Variants in HTT observed in about 807,000 individuals in gnomAD.
HTT encodes the protein huntingtin, also known as huntington disease protein.
In HTT, 104 loss-of-function variants were observed where a neutral mutation model predicts 362.3. The ratio of observed to expected loss-of-function variants is 0.29; its 90% CI spans 0.24 to 0.34. HTT has a LOEUF of 0.34. HTT is among the 10% of genes least tolerant of loss of function. The pLI is 1.00. For synonymous variants in HTT, 1,577 were observed against 1,548.7 expected, an observed-to-expected ratio of 1.02 and a Z score of -0.43; for missense variants, 3,301 against 3,928.6, an observed-to-expected ratio of 0.84 and a Z score of 4.27.
In HTT at chr4:3,160,303, A is replaced by G; in HGVS notation, c.3775A>G (p.Ser1259Gly). 1.3e-6 allele frequency: 2 copies of G among 1,552,188 alleles called. No individual in the cohort carries two copies. Among genetic ancestry groups the G allele is most frequent in the South Asian group, 2.4e-5 (2 of 84,096 alleles). Reference protein sequence around the residue: ...NYKVTLDLQNSTEKFGGFLRS... With the variant: ...NYKVTLDLQNGTEKFGGFLRS... ...CAAGGTCACGCTGGATCTTCAGAAC[A>G]GCACGGAAAAGTTTGGAGGGTTTCT... The change falls in exon 29 of 67, where the codon AGC becomes GGC. Residue 1259 changes from serine (S) to glycine (G), a missense_variant. Ser to Gly is a moderately conservative substitution (Grantham distance 56). Transcript: ENST00000355072.
chr4:3,092,255 C>T (rs1013001268), intron 2 of HTT, among the ~76,000 whole-genome samples: 5 of 152,308 alleles, frequency 3.3e-5, no homozygotes, highest in South Asian at 2.1e-4. Context: ...AACTCCTGAC[C>T]TCATGATCCG....
chr4:3,129,696 G>T, intron 12 of HTT: 1 of 382,710 alleles, frequency 2.6e-6, no homozygotes, highest in Non-Finnish European at 4.6e-6. Context: ...AATTTTTTTG[G>T]AGTTTTTAGA....
chr4:3,116,400 A>G, intron 8 of HTT, 137 bp downstream of exon 8: 1 of 681,234 alleles, frequency 1.5e-6, no homozygotes, highest in Non-Finnish European at 2.5e-6. Context: ...TTCCAACCCT[A>G]GGTGCTGACC....
chr4:3,174,908 A>C, intron 32 of HTT, 38 bp from the exon 33 acceptor site: 2 of 1,545,886 alleles, frequency 1.3e-6, no homozygotes, highest in South Asian at 2.4e-5. Context: ...TTGAAGGCTT[A>C]CTTATGGATT....
chr4:3,194,478 T>G (rs1719156755), intron 40 of HTT, among the ~76,000 whole-genome samples: 1 of 152,236 alleles, frequency 6.6e-6, no homozygotes, highest in African/African-American at 2.4e-5. Flanking sequence ...ATCAGCTTTG[T>G]TTGTTGTCCA....
chr4:3,188,900 T>C, intron 39 of HTT, 51 bp from the exon 40 acceptor site: 1 of 1,549,794 alleles, frequency 6.5e-7, no homozygotes, highest in Non-Finnish European at 8.9e-7. Flanking sequence ...TTGGCGTAAG[T>C]GCTTTATAGT....
rs781300228 is a variant in HTT, at chr4:3,238,457, G to A, written c.8902G>A (p.Gly2968Ser). 3.1e-6 allele frequency: 5 copies of A among 1,610,786 alleles called. No individual in the cohort carries two copies. The highest frequency in any genetic ancestry group is 2.5e-6 in the Non-Finnish European group (3 of 1,178,434). The change falls in exon 65 of 67, where the codon GGC (glycine) becomes AGC (serine). Residue 2968 changes from glycine to serine, a missense_variant. Transcript: ENST00000355072. ...VSVLFDRIRKGFPCEARVVAR... is the reference protein window; with the variant it reads ...VSVLFDRIRKSFPCEARVVAR... ...CGTCCCTCCTCCCAGGATCAGGAAA[G>A]GCTTTCCTTGTGAAGCCAGAGTGGT... is the stretch of plus-strand genomic sequence containing the variant.
At chr4:3,116,482 G>T (rs1715035217) in intron 8 of HTT, among the ~76,000 whole-genome samples, 1 of 152,156 alleles carries the variant, frequency 6.6e-6, no homozygotes, top group Non-Finnish European at 1.5e-5. Context: ...CAGGTGCCGT[G>T]TTACCTAAGC....
Position 3,206,367 on chromosome 4 carries a change from A to G in HTT, c.5719-129A>G, listed in dbSNP as rs1719853604. The stretch of plus-strand genomic sequence containing the variant: ...TCAATTATTTGTGCTCATACACTGT[A>G]TATTTTTAGTGAGGTTTATATTTGG... On this transcript the variant is annotated intron_variant, in intron 42 of 66. Coordinates refer to ENST00000355072, the MANE Select transcript of HTT (RefSeq NM_001388492.1). The surrounding 1 kb of genome is among the most constrained non-coding windows in gnomAD (Gnocchi z 4.6). 3.5e-5 allele frequency: 25 copies of G among 704,424 alleles called. No individual in the cohort carries two copies. Among genetic ancestry groups the G allele is most frequent in the Non-Finnish European group, 5.5e-5 (23 of 416,338 alleles). The allele number at this position is 704,424 out of a possible 1,614,324, so 43.6% of individuals were successfully genotyped here. A position where few individuals can be genotyped will look rare whatever the true frequency, so the allele number is the denominator to read the frequency against.
At chr4:3,105,652 C>T (rs899144968) in intron 5 of HTT, among the ~76,000 whole-genome samples, 12 of 152,182 alleles carry the variant, frequency 7.9e-5, no homozygotes, top group East Asian at 3.8e-4. Flanking sequence ...CCCACCCTTC[C>T]GCAAGAGACT....
At position 3,074,905 on chromosome 4, in the gene HTT, AGCAGCAGCAGCAGCAGCAGCAGCAG is replaced by A; in HGVS notation, c.81_105del (p.Gln27HisfsTer66). ...CAGCAGCAGCAGCAGCAGCAGCAGC[AGCAGCAGCAGCAGCAGCAGCAGCAG>A]CAGCAACAGCCGCCACCGCCGCCGC... On this transcript the variant is annotated frameshift_variant, in exon 1 of 67. Transcript: ENST00000355072. LOFTEE classifies it high-confidence loss of function. The A allele has an allele frequency of 6.7e-7, 1 of 1,499,556 alleles. No homozygotes were observed. The highest frequency in any genetic ancestry group is 8.9e-7 in the Non-Finnish European group (1 of 1,128,210). 92.9% of individuals were successfully genotyped at this position (1,499,556 alleles called of 1,614,324 possible).
intron 37 of HTT, among the ~76,000 whole-genome samples, chr4:3,183,130 C>T (rs1237462909): frequency 6.6e-6 from 1 of 152,260 alleles, no homozygotes; most frequent in Non-Finnish European, 1.5e-5. Flanking sequence ...GATCCACCAA[C>T]CTTGGCCTGC....
rs368636427 is a variant in HTT, at chr4:3,128,006, C to T, written c.1743+402C>T. On this transcript the variant is annotated intron_variant, in intron 12 of 66. Coordinates refer to ENST00000355072, the MANE Select transcript of HTT (RefSeq NM_001388492.1). ...AAAGTGCAGTGGCTCGTTCTCAGCC[C>T]ACTGCAACTTCTGCCTCCCAGGCTC... is the stretch of plus-strand genomic sequence containing the variant. 3.9e-5 allele frequency among the ~76,000 whole-genome samples: 6 copies of T among 152,074 alleles called. No individual in the cohort carries two copies. In the South Asian group the frequency reaches 8.3e-4, roughly 21 times the overall value.
At chr4:3,077,253 G>C (rs537181171) in intron 1 of HTT, among the ~76,000 whole-genome samples, 8 of 151,942 alleles carry the variant, frequency 5.3e-5, no homozygotes, top group Admixed American at 6.6e-5. Flanking sequence ...AATTACAAAA[G>C]GGCAATAATT....
chr4:3,206,884 T>C lies in HTT; in HGVS notation c.5976T>C (p.Tyr1992=). The part of the protein sequence containing the change: ...LSQSGAVLTL[Y]VDRLLCTPFR... ...AGTCGGGAGCTGTGCTCACGCTGTA[T>C]GTGGACAGGCTTCTGTGCACCCCTT... is the stretch of plus-strand genomic sequence containing the variant. The change falls in exon 44 of 67, where the codon TAT becomes TAC. Residue 1992 remains tyrosine (Y), a synonymous_variant. Transcript: ENST00000355072. This position sits in a 1 kb window ranked among gnomAD's most constrained non-coding sequence, Gnocchi z 4.6. 2 of 1,614,218 alleles carry C rather than the reference T, an allele frequency of 1.2e-6. No homozygotes were observed. The highest frequency in any genetic ancestry group is 2.2e-5 in the East Asian group (1 of 44,886).
In HTT at chr4:3,131,440, G is replaced by C. The variant is rs750184520; in HGVS notation, c.2098+43G>C. 3.3e-6 allele frequency: 5 copies of C among 1,523,720 alleles called. No homozygotes were observed. The African/African-American group carries it at 5.5e-5, about 17-fold the overall frequency. 94.4% of individuals were successfully genotyped at this position (1,523,720 alleles called of 1,614,324 possible). A position where few individuals can be genotyped will look rare whatever the true frequency, so the allele number is the denominator to read the frequency against. On this transcript the variant is annotated intron_variant, in intron 15 of 66. Coordinates refer to ENST00000355072, the MANE Select transcript of HTT (RefSeq NM_001388492.1). ...TGTGCACAGTTGAAGGAAATAACTA[G>C]GTTTCAGAGGTCAGCTTGGTGGCCT...
At chr4:3,110,276 C>T (rs1211696702) in intron 6 of HTT, among the ~76,000 whole-genome samples, 2 of 152,132 alleles carry the variant, frequency 1.3e-5, no homozygotes, top group African/African-American at 4.8e-5. Flanking sequence ...TATTCTTTGG[C>T]CTTTTTGTCT....
chr4:3,103,731 T>G, intron 3 of HTT, 93 bp from the exon 4 acceptor site: 1 of 765,562 alleles, frequency 1.3e-6, no homozygotes, highest in Non-Finnish European at 2.3e-6. Flanking sequence ...ATGTTTTGCT[T>G]TGCCCCAAAA....
chr4:3,137,033 G>T (rs896410389), intron 21 of HTT, among the ~76,000 whole-genome samples: 2 of 151,344 alleles, frequency 1.3e-5, no homozygotes, highest in South Asian at 2.1e-4. Context: ...TCAGCCTCCC[G>T]AGTAGCTGGG....
Sources: allele counts gnomAD v4.1 joint callset (sites outside exome capture counted in the v4.1 genomes callset), GRCh38; gene constraint gnomAD v4.1.1; non-coding constraint Gnocchi (gnomAD v3.1); transcripts MANE v1.5; gene names NCBI Gene and HGNC (gene_info 2026-07-23, HGNC 2026-07-21).